CCDC9: variants seen among roughly 807,000 people sequenced by gnomAD.
The protein encoded by CCDC9 is coiled-coil domain containing 9.
A neutral mutation model predicts 65.6 loss-of-function variants in CCDC9; 52 were observed. That is an observed-to-expected ratio of 0.79 (90% confidence interval 0.63 to 1.00). CCDC9 has a LOEUF of 1.00. Ranked by LOEUF, CCDC9 falls within the 50% of genes least tolerant of loss-of-function variation. The pLI is 0.00. For missense variants in CCDC9, 834 were observed against 757.2 expected (o/e 1.10, Z -1.19); for synonymous variants, 332 against 280.3 (o/e 1.18, Z -1.84).
chr19:47,271,032 C>T lies in CCDC9; in HGVS notation c.1086-50C>T, dbSNP rs193296205. On this transcript the variant is annotated intron_variant, in intron 10 of 11. Coordinates refer to ENST00000221922, the MANE Select transcript of CCDC9 (RefSeq NM_015603.3). ...GAGGGTGGAGGCAGGAAGCCCCTTC[C>T]TCCTGTCTACTCTCCACCCAGGCAT... is the stretch of plus-strand genomic sequence containing the variant. 251 of 1,370,094 alleles carry T rather than the reference C, an allele frequency of 1.8e-4. No homozygotes were observed. The East Asian group carries it at 5.3e-3, about 29-fold the overall frequency. 84.9% of individuals were successfully genotyped at this position (1,370,094 alleles called of 1,614,324 possible).
At position 47,264,935 on chromosome 19, in the gene CCDC9, C is replaced by T; in HGVS notation, c.709C>T (p.His237Tyr). ...DFERVRCGLEHERQGRRAGLG... is the reference protein window; with the variant it reads ...DFERVRCGLEYERQGRRAGLG... The stretch of plus-strand genomic sequence containing the variant: ...CGAGCGGGTGCGCTGTGGCCTTGAG[C>T]ACGAGCGGCAGGTGGGTGTTGGCAG... The change falls in exon 7 of 12, where the codon CAC (histidine) becomes TAC (tyrosine). Residue 237 changes from histidine (H) to tyrosine (Y), a missense_variant. By Grantham distance (83) the His-to-Tyr change is moderately conservative. Coordinates refer to ENST00000221922, the MANE Select transcript of CCDC9 (RefSeq NM_015603.3). 6.9e-7 allele frequency: 1 copy of T among 1,449,028 alleles called. No individual in the cohort carries two copies. 89.8% of individuals were successfully genotyped at this position (1,449,028 alleles called of 1,614,324 possible).
At chr19:47,262,459 C>T (rs950005039) in intron 5 of CCDC9, among the ~76,000 whole-genome samples, 1 of 151,966 alleles carries the variant, frequency 6.6e-6, no homozygotes, top group Non-Finnish European at 1.5e-5. Context: ...TCAGGTGATC[C>T]TACCGCCTCG....
In CCDC9 at chr19:47,271,825, CCT is replaced by C. The variant is rs2059126050; in HGVS notation, c.*148_*149del. The C allele has an allele frequency of 1.4e-6, 2 of 1,428,146 alleles. No homozygotes were observed. The highest frequency in any genetic ancestry group is 9.1e-7 in the Non-Finnish European group (1 of 1,095,410). 88.5% of individuals were successfully genotyped at this position (1,428,146 alleles called of 1,614,324 possible). ...CCTGGGACCCAGTGTGCCCCACAGCCCTGTCAGCTGAGGGGGTAGCGCAGCCC... is the reference window on the plus strand; with the variant it reads ...CCTGGGACCCAGTGTGCCCCACAGCCGTCAGCTGAGGGGGTAGCGCAGCCC... On this transcript the variant is annotated 3_prime_UTR_variant, in exon 12 of 12. Coordinates refer to ENST00000221922, the MANE Select transcript of CCDC9 (RefSeq NM_015603.3).
Position 47,267,529 on chromosome 19 carries a change from C to T in CCDC9, c.902+737C>T, listed in dbSNP as rs535445554. Among the ~76,000 whole-genome samples the T allele has an allele frequency of 1.4e-4, 21 of 152,264 alleles. No homozygotes were observed. The South Asian group carries it at 3.5e-3, about 26-fold the overall frequency. ...CTTGCAGCAGGGTGAATTCACTCTG[C>T]GCCAGGGTGTTCATTCTGCTGTCCA... On this transcript the variant is annotated intron_variant, in intron 8 of 11. Transcript: ENST00000221922.
At chr19:47,262,828 G>C (rs2059054897) in intron 5 of CCDC9, among the ~76,000 whole-genome samples, 1 of 152,104 alleles carries the variant, frequency 6.6e-6, no homozygotes, top group Non-Finnish European at 1.5e-5. Flanking sequence ...GTATGGGCTT[G>C]TGGTCCTAGC....
Position 47,260,728 on chromosome 19 carries a change from G to C in CCDC9, c.351G>C (p.Gly117=), listed in dbSNP as rs761485205. ...CGCGCAGCTGGGAGGGCAGCCCCGG[G>C]GAGCAGCCTCGAGGAGGAGGAGCTG... ...RASRSWEGSP[G]EQPRGGGAGG... is the part of the protein sequence containing the mutation. Residue 117 remains glycine, a synonymous_variant, in exon 5 of 12, where the codon GGG becomes GGC. Coordinates refer to ENST00000221922, the MANE Select transcript of CCDC9 (RefSeq NM_015603.3). The C allele has an allele frequency of 6.3e-7, 1 of 1,596,388 alleles. No homozygotes were observed. Among genetic ancestry groups the C allele is most frequent in the Non-Finnish European group, 8.5e-7 (1 of 1,173,022 alleles).
At chr19:47,270,476 G>C (rs770485049) in intron 9 of CCDC9, 23 bp downstream of exon 9, 18 of 1,614,090 alleles carry the variant, frequency 1.1e-5, no homozygotes, top group African/African-American at 2.7e-5. Flanking sequence ...CCTTGGATGA[G>C]CTGAGGCTCG....
At chr19:47,272,607 G>A (rs1365593671), downstream of CCDC9, among the ~76,000 whole-genome samples, 1 of 152,130 alleles carries the variant, frequency 6.6e-6, no homozygotes, top group African/African-American at 2.4e-5. Flanking sequence ...GGGCGACAGA[G>A]CAAGACTCCG....
At chr19:47,258,290 G>A in intron 1 of CCDC9, 40 bp from the exon 2 acceptor site, 1 of 1,138,668 alleles carries the variant, frequency 8.8e-7, no homozygotes, top group South Asian at 1.3e-5. Flanking sequence ...GTAGGTTGGG[G>A]GGCCATTGGC....
rs1014329114 is a variant in CCDC9, at chr19:47,266,540, A to G, written c.721-71A>G. 70 of 1,441,804 alleles carry G rather than the reference A, an allele frequency of 4.9e-5. 1 individual carries two copies. The South Asian group carries it at 9.8e-4, about 20-fold the overall frequency. The allele number at this position is 1,441,804 out of a possible 1,614,324, so 89.3% of individuals were successfully genotyped here. ...TCCCTGTGTGATCCTGAGCAAGTGG[A>G]TGTGCCTCGGGGCTTAGGGGCGGGG... On this transcript the variant is annotated intron_variant, in intron 7 of 11. Transcript: ENST00000221922.
At chr19:47,272,830 G>GC (rs1347484874), downstream of CCDC9, among the ~76,000 whole-genome samples, 1 of 152,146 alleles carries the variant, frequency 6.6e-6, no homozygotes, top group Non-Finnish European at 1.5e-5. Context: ...CGAAGTGCGA[G>GC]CAAGAGGCCA....
downstream of CCDC9, chr19:47,273,861 G>C: frequency 2.2e-6 from 1 of 462,326 alleles, no homozygotes; most frequent in Non-Finnish European, 2.8e-6. Context: ...TCTGGAGGGG[G>C]CAGGCTGGGT....
At chr19:47,274,210 C>T (rs1387715111), downstream of CCDC9, among the ~76,000 whole-genome samples, 1 of 152,038 alleles carries the variant, frequency 6.6e-6, no homozygotes, top group Admixed American at 6.6e-5. Flanking sequence ...GCTGAGGATA[C>T]CTGAAAGCGG....
chr19:47,271,463 C>T lies in CCDC9; in HGVS notation c.1381C>T (p.Pro461Ser). The T allele has an allele frequency of 6.2e-7, 1 of 1,613,654 alleles. No individual in the cohort carries two copies. Among genetic ancestry groups the T allele is most frequent in the South Asian group, 1.1e-5 (1 of 91,076 alleles). ...QAPEAAPTGI[P>S]CSEQAHGVPF... ...CCCAGAGGCTGCCCCCACCGGGATC[C>T]CCTGCAGTGAGCAGGCCCACGGAGT... The change falls in exon 12 of 12, where the codon CCC becomes TCC. Residue 461 changes from proline to serine, a missense_variant. Transcript: ENST00000221922.
intron 5 of CCDC9, among the ~76,000 whole-genome samples, chr19:47,262,741 G>C (rs1181988875): frequency 6.6e-6 from 1 of 152,068 alleles, no homozygotes; most frequent in Non-Finnish European, 1.5e-5. Context: ...CTGGCTATTT[G>C]CCCATCTAAA....
chr19:47,258,721 C>G, intron 3 of CCDC9, 58 bp downstream of exon 3: 3 of 1,288,552 alleles, frequency 2.3e-6, no homozygotes, highest in Non-Finnish European at 3.4e-6. Flanking sequence ...GTGAGTTTTT[C>G]TCACCTCTCC....
downstream of CCDC9, among the ~76,000 whole-genome samples, chr19:47,273,082 C>CCCAG (rs1182803118): frequency 6.6e-6 from 1 of 151,428 alleles, no homozygotes; most frequent in Non-Finnish European, 1.5e-5. Context: ...GGCGCGGGGG[C>CCCAG]CCAGACCCTC....
At chr19:47,257,251 C>A (rs2059016402) in intron 1 of CCDC9, among the ~76,000 whole-genome samples, 1 of 144,842 alleles carries the variant, frequency 6.9e-6, no homozygotes. Flanking sequence ...GGAGGTTGGC[C>A]AGGCCAATCG....
rs2059039575 is a variant in CCDC9, at chr19:47,260,736, C to T, written c.359C>T (p.Pro120Leu). 1 of 1,601,764 alleles carries T rather than the reference C, an allele frequency of 6.2e-7. No individual in the cohort carries two copies. The highest frequency in any genetic ancestry group is 2.2e-5 in the East Asian group (1 of 44,768). Residue 120 changes from proline (P) to leucine (L), a missense_variant, in exon 5 of 12, where the codon CCT becomes CTT. Transcript: ENST00000221922. ...TGGGAGGGCAGCCCCGGGGAGCAGCCTCGAGGAGGAGGAGCTGGGGGCCGT... is the reference window on the plus strand; with the variant it reads ...TGGGAGGGCAGCCCCGGGGAGCAGCTTCGAGGAGGAGGAGCTGGGGGCCGT... ...RSWEGSPGEQPRGGGAGGRGR... is the reference protein window; with the variant it reads ...RSWEGSPGEQLRGGGAGGRGR...
Sources: gnomAD v4.1 joint callset for allele counts (sites outside exome capture counted in the v4.1 genomes callset) on GRCh38, gnomAD v4.1.1 for gene constraint, MANE v1.5 for transcripts, NCBI Gene and HGNC (gene_info 2026-07-23, HGNC 2026-07-21) for gene names.